The following CRACD variants were observed in gnomAD, a reference collection of about 807,000 sequenced individuals.
CRACD encodes the protein capping protein inhibiting regulator of actin dynamics.
CRACD carries 56 observed loss-of-function variants against 106.8 expected under a neutral mutation model. The ratio of observed to expected loss-of-function variants is 0.52; its 90% CI spans 0.42 to 0.66. The LOEUF (loss-of-function observed/expected upper bound fraction) is 0.66, where lower values mean the gene tolerates loss of function less well. Among genes scored for constraint, CRACD ranks in the 30% least tolerant of loss-of-function variants. The pLI, the probability that CRACD is intolerant of heterozygous loss-of-function variation, is 0.00. For missense variants in CRACD, 1,730 were observed against 1,623.2 expected, an observed-to-expected ratio of 1.07 and a Z score of -1.13; for synonymous variants, 754 against 670.8, an observed-to-expected ratio of 1.12 and a Z score of -1.92.
At chr4:56,287,584 C>T (rs1178620022) in intron 3 of CRACD, among the ~76,000 whole-genome samples, 1 of 151,998 alleles carries the variant, frequency 6.6e-6, no homozygotes, top group African/African-American at 2.4e-5. Flanking sequence ...CCCGGCGAAC[C>T]TGGCTAATTT....
intron 3 of CRACD, among the ~76,000 whole-genome samples, chr4:56,285,102 G>A (rs929644500): frequency 2.0e-5 from 3 of 152,194 alleles, no homozygotes; most frequent in African/African-American, 7.2e-5. Context: ...TCTTACCATG[G>A]TGGAGCAGGA....
chr4:56,309,009 G>A, intron 5 of CRACD: 1 of 675,246 alleles, frequency 1.5e-6, no homozygotes, highest in Non-Finnish European at 2.3e-6. Context: ...CTAATGAGAG[G>A]GTGTAACAAA....
chr4:56,201,730 A>G (rs2109474760), intron 2 of CRACD, among the ~76,000 whole-genome samples: 1 of 152,354 alleles, frequency 6.6e-6, no homozygotes, highest in South Asian at 2.1e-4. Context: ...GAAAATTGAT[A>G]ATGTTGAGTG....
rs1432699027 is a variant in CRACD, at chr4:56,315,101, G to A, written c.1599G>A (p.Met533Ile). Residue 533 changes from methionine (M) to isoleucine (I), a missense_variant, in exon 8 of 11, where the codon ATG becomes ATA. Physicochemically the swap from Met to Ile is conservative, Grantham distance 10. Coordinates refer to ENST00000682029, the MANE Select transcript of CRACD (RefSeq NM_001393381.1). This position sits in a 1 kb window ranked among gnomAD's most constrained non-coding sequence, Gnocchi z 4.1. ...RWQEVDERQT[M>I]PRPYTFQVSS... ...AGGAGGTGGACGAGAGACAGACCAT[G>A]CCCCGGCCCTACACGTTCCAGGTGT... is the stretch of plus-strand genomic sequence containing the variant. 5.6e-6 allele frequency: 9 copies of A among 1,611,124 alleles called. No individual in the cohort carries two copies. The highest frequency in any genetic ancestry group is 3.4e-5 in the Admixed American group (2 of 59,694).
At chr4:56,205,820 T>C (rs1299359453) in intron 2 of CRACD, among the ~76,000 whole-genome samples, 2 of 152,136 alleles carry the variant, frequency 1.3e-5, no homozygotes, top group East Asian at 1.9e-4. Context: ...CTCAGATTTG[T>C]TTGTCATTTT....
At chr4:56,216,141 T>C (rs1738661824) in intron 2 of CRACD, 1 of 152,188 alleles carries the variant, frequency 6.6e-6, no homozygotes, top group Non-Finnish European at 1.5e-5. Flanking sequence ...CACCAGATGA[T>C]GTCTTAAAGC....
At chr4:56,185,816 T>A (rs1737072610) in intron 2 of CRACD, among the ~76,000 whole-genome samples, 1 of 152,220 alleles carries the variant, frequency 6.6e-6, no homozygotes, top group Non-Finnish European at 1.5e-5. Context: ...CTTCAGTTTA[T>A]CCCATCATCC....
intron 2 of CRACD, among the ~76,000 whole-genome samples, chr4:56,260,734 C>G (rs1332848402): frequency 1.3e-5 from 2 of 152,194 alleles, no homozygotes; most frequent in African/African-American, 4.8e-5. Flanking sequence ...TGGACAGCAG[C>G]TTCAGTCCAT....
intron 1 of CRACD, among the ~76,000 whole-genome samples, chr4:56,137,319 A>C (rs961096968): frequency 6.6e-6 from 1 of 152,168 alleles, no homozygotes; most frequent in African/African-American, 2.4e-5. Context: ...TCATTATCTT[A>C]TGGGACCACC....
At chr4:56,187,381 G>T (rs949310731) in intron 2 of CRACD, among the ~76,000 whole-genome samples, 1 of 152,044 alleles carries the variant, frequency 6.6e-6, no homozygotes, top group African/African-American at 2.4e-5. Context: ...CACAATCTCC[G>T]CAGGTCACAT....
chr4:56,127,481 G>T (rs368937900), intron 1 of CRACD, among the ~76,000 whole-genome samples: 1 of 151,988 alleles, frequency 6.6e-6, no homozygotes, highest in Admixed American at 6.6e-5. Context: ...AGTTTAAAAA[G>T]GATAAATTTT....
At chr4:56,091,261 T>C (rs1175991992) in intron 1 of CRACD, among the ~76,000 whole-genome samples, 1 of 152,100 alleles carries the variant, frequency 6.6e-6, no homozygotes, top group Non-Finnish European at 1.5e-5. Flanking sequence ...TTTTCCAGGC[T>C]GGTCTCAATG....
chr4:56,209,916 TGAATTTACATGCCAGGA>T (rs1157367049), intron 2 of CRACD, among the ~76,000 whole-genome samples: 1 of 152,148 alleles, frequency 6.6e-6, no homozygotes, highest in Non-Finnish European at 1.5e-5. Context: ...ATCTGAGTCC[TGAATTTACATGCCAGGA>T]GAAGAGCTCA....
At chr4:56,145,862 G>T (rs1735360273) in intron 1 of CRACD, among the ~76,000 whole-genome samples, 1 of 152,074 alleles carries the variant, frequency 6.6e-6, no homozygotes, top group Non-Finnish European at 1.5e-5. Flanking sequence ...GAGCTCAAGT[G>T]ATCTGCCCGC....
intron 2 of CRACD, among the ~76,000 whole-genome samples, chr4:56,261,365 T>TTC (rs1177125019): frequency 1.3e-5 from 2 of 150,584 alleles, no homozygotes; most frequent in East Asian, 3.9e-4. Flanking sequence ...CTTCTTCTTT[T>TTC]TTTTTTTTTT....
chr4:56,105,900 C>T (rs1733935355), intron 1 of CRACD, among the ~76,000 whole-genome samples: 4 of 151,094 alleles, frequency 2.6e-5, no homozygotes, highest in Admixed American at 2.6e-4. Flanking sequence ...TTGGTTGGAG[C>T]TGGCCTTTGG....
chr4:56,311,888 G>C (rs1379156422), intron 6 of CRACD, among the ~76,000 whole-genome samples: 1 of 152,174 alleles, frequency 6.6e-6, no homozygotes, highest in Non-Finnish European at 1.5e-5. Context: ...GTACAGGCGT[G>C]GTGTCCTACC....
intron 2 of CRACD, among the ~76,000 whole-genome samples, chr4:56,211,223 G>T (rs1338182490): frequency 1.3e-5 from 2 of 152,198 alleles, no homozygotes; most frequent in Non-Finnish European, 2.9e-5. Context: ...AGAGGCATTT[G>T]GACCAGAGCA....
At chr4:56,305,141 A>C (rs1744607576) in intron 4 of CRACD, among the ~76,000 whole-genome samples, 1 of 152,124 alleles carries the variant, frequency 6.6e-6, no homozygotes, top group Non-Finnish European at 1.5e-5. Context: ...GGATCACTTG[A>C]GCCCAGGACA....
Sources: gnomAD v4.1 joint callset for allele counts (sites outside exome capture counted in the v4.1 genomes callset) on GRCh38, gnomAD v4.1.1 for gene constraint, Gnocchi (gnomAD v3.1) non-coding constraint, MANE v1.5 for transcripts, NCBI Gene and HGNC (gene_info 2026-07-23, HGNC 2026-07-21) for gene names.